COG5: variants seen among roughly 807,000 people sequenced by gnomAD.
COG5 encodes the protein conserved oligomeric Golgi complex subunit 5.
COG5 carries 86 observed loss-of-function variants against 110.4 expected under a neutral mutation model. That is an observed-to-expected ratio of 0.78 (90% CI 0.65 to 0.93). The LOEUF (loss-of-function observed/expected upper bound fraction) is 0.93, where lower values mean the gene tolerates loss of function less well. Among genes scored for constraint, COG5 ranks in the 40% least tolerant of loss-of-function variants. COG5 has a pLI of 0.00. For synonymous variants in COG5, 360 were observed against 334.6 expected (o/e 1.08, Z -0.83); for missense variants, 1,077 against 987.0 (o/e 1.09, Z -1.22).
chr7:107,357,426 A>C (rs1402005921), intron 10 of COG5, among the ~76,000 whole-genome samples: 1 of 152,188 alleles, frequency 6.6e-6, no homozygotes, highest in Non-Finnish European at 1.5e-5. Flanking sequence ...CCCTTAAAAA[A>C]ATTTCAACTA....
chr7:107,302,153 T>C (rs1441220705), intron 11 of COG5, among the ~76,000 whole-genome samples: 1 of 152,188 alleles, frequency 6.6e-6, no homozygotes, highest in Non-Finnish European at 1.5e-5. Flanking sequence ...AACAGGCCAA[T>C]GCATAAACAA....
chr7:107,203,650 C>T lies in COG5; in HGVS notation c.2376-20G>A. On this transcript the variant is annotated intron_variant, in intron 21 of 21. Coordinates refer to ENST00000297135, the MANE Select transcript of COG5 (RefSeq NM_006348.5). ...GCTCCCCTGAAAACCAAAATGAAAACAATGTCAAAATATTAGATAAATCAC... is the reference window on the plus strand; with the variant it reads ...GCTCCCCTGAAAACCAAAATGAAAATAATGTCAAAATATTAGATAAATCAC... 6.9e-7 allele frequency: 1 copy of T among 1,458,432 alleles called. No homozygotes were observed. 90.3% of individuals were successfully genotyped at this position (1,458,432 alleles called of 1,614,324 possible). A position where few individuals can be genotyped will look rare whatever the true frequency, so the allele number is the denominator to read the frequency against.
At position 107,501,063 on chromosome 7, in the gene COG5, G is replaced by C. The variant is rs538481174; in HGVS notation, c.538+26174C>G. On this transcript the variant is annotated intron_variant, in intron 6 of 21. Transcript: ENST00000297135. ...TAAATTATCTTGGCAATGAAAAGTAGAACAACCCACCTAATTTTCCTGTAC... is the reference window on the plus strand; with the variant it reads ...TAAATTATCTTGGCAATGAAAAGTACAACAACCCACCTAATTTTCCTGTAC... 3.0e-4 allele frequency among the ~76,000 whole-genome samples: 46 copies of C among 152,080 alleles called. 1 individual carries two copies. The South Asian group carries it at 9.3e-3, about 31-fold the overall frequency.
intron 6 of COG5, 45 bp from the exon 7 acceptor site, chr7:107,412,677 A>G (rs1435011487): frequency 8.4e-7 from 1 of 1,195,020 alleles, no homozygotes; most frequent in Middle Eastern, 1.9e-4. Flanking sequence ...TCAATACTGA[A>G]TAAATATCAA....
At chr7:107,306,068 A>G (rs1807689385) in intron 11 of COG5, among the ~76,000 whole-genome samples, 1 of 152,170 alleles carries the variant, frequency 6.6e-6, no homozygotes, top group Non-Finnish European at 1.5e-5. Context: ...TATAAAAGTC[A>G]AATACTAAGG....
intron 2 of COG5, 66 bp from the exon 3 acceptor site, chr7:107,554,408 A>G: frequency 7.5e-7 from 1 of 1,331,808 alleles, no homozygotes; most frequent in Admixed American, 1.7e-5. Flanking sequence ...ACCACAATGT[A>G]GAATGGACAG....
At position 107,362,107 on chromosome 7, in the gene COG5, G is replaced by T; in HGVS notation, c.952C>A (p.Gln318Lys). ...DHIYAVCGQV[Q>K]HLQKVLAKKR... ...TTGGCCAATACTTTTTGTAGATGTT[G>T]TACCTTAAATGAAACAAATGTAAAG... Residue 318 changes from glutamine to lysine, a missense_variant, in exon 10 of 22, where the codon CAA (glutamine) becomes AAA (lysine). Transcript: ENST00000297135. The T allele has an allele frequency of 6.2e-7, 1 of 1,603,988 alleles. No individual in the cohort carries two copies. Among genetic ancestry groups the T allele is most frequent in the Non-Finnish European group, 8.5e-7 (1 of 1,172,350 alleles).
intron 12 of COG5, among the ~76,000 whole-genome samples, chr7:107,293,221 A>G (rs1806320037): frequency 6.6e-6 from 1 of 152,072 alleles, no homozygotes; most frequent in Admixed American, 6.5e-5. Context: ...ATACTCAAGG[A>G]CCCATTCATT....
At chr7:107,271,289 A>G (rs1804248973) in intron 14 of COG5, among the ~76,000 whole-genome samples, 1 of 152,198 alleles carries the variant, frequency 6.6e-6, no homozygotes, top group South Asian at 2.1e-4. Flanking sequence ...CTGCATTTCC[A>G]TAAAAATTTA....
At chr7:107,528,731 CCT>C (rs1431888150) in intron 5 of COG5, among the ~76,000 whole-genome samples, 6 of 152,030 alleles carry the variant, frequency 3.9e-5, no homozygotes, top group Non-Finnish European at 8.8e-5. Context: ...GGACATCTCC[CCT>C]GTTTAAGGAG....
rs192204911 is a variant in COG5 at position 107,209,230 on chromosome 7, T to C, written c.2375+1296A>G. ...GAGTTGAGAATGACTTCAAGAGCTA[T>C]TTTAGAGACGCAACAGAGTGGGTTT... On this transcript the variant is annotated intron_variant, in intron 21 of 21. Coordinates refer to ENST00000297135, the MANE Select transcript of COG5 (RefSeq NM_006348.5). 1.0e-5 allele frequency: 10 copies of C among 985,342 alleles called. No homozygotes were observed. In the East Asian group the frequency reaches 1.1e-3, roughly 112 times the overall value. The allele number at this position is 985,342 out of a possible 1,614,324, so 61.0% of individuals were successfully genotyped here. A position where few individuals can be genotyped will look rare whatever the true frequency, so the allele number is the denominator to read the frequency against.
chr7:107,509,037 G>A (rs887974822), intron 6 of COG5, among the ~76,000 whole-genome samples: 4 of 152,206 alleles, frequency 2.6e-5, no homozygotes, highest in Non-Finnish European at 4.4e-5. Flanking sequence ...ATGGAACAAA[G>A]CTGGAAGGAG....
rs533316589 is a variant in COG5, at chr7:107,529,695, C to T, written c.418-2338G>A. ...AAACACTGCACCTGACCTCAGTGCC[C>T]ACGTGGGACTCTTCCAAGCGTACTT... On this transcript the variant is annotated intron_variant, in intron 5 of 21. Transcript: ENST00000297135. Among the ~76,000 whole-genome samples the T allele has an allele frequency of 1.6e-3, 251 of 152,292 alleles. 2 individuals carry two copies. The highest frequency in any genetic ancestry group is 2.9e-3 in the Admixed American group (45 of 15,300).
intron 6 of COG5, among the ~76,000 whole-genome samples, chr7:107,462,962 T>C (rs929504007): frequency 1.3e-5 from 2 of 152,110 alleles, no homozygotes; most frequent in African/African-American, 4.8e-5. Flanking sequence ...CCAGTAAAAA[T>C]ATAAAAAGGT....
chr7:107,525,716 C>T (rs1228024709), intron 6 of COG5, among the ~76,000 whole-genome samples: 2 of 152,002 alleles, frequency 1.3e-5, no homozygotes, highest in African/African-American at 4.8e-5. Flanking sequence ...TGATGCTCAA[C>T]TTTTATTTTG....
chr7:107,223,870 G>A (rs1800127718), intron 19 of COG5, among the ~76,000 whole-genome samples: 1 of 152,080 alleles, frequency 6.6e-6, no homozygotes, highest in South Asian at 2.1e-4. Context: ...AGTGCTGTGA[G>A]GGCTAAATGA....
chr7:107,305,742 G>A lies in COG5; in HGVS notation c.1109-7396C>T, dbSNP rs572014323. Among the ~76,000 whole-genome samples, 4 of 152,030 alleles carry A rather than the reference G, an allele frequency of 2.6e-5. No individual in the cohort carries two copies. In the South Asian group the frequency reaches 8.3e-4, roughly 32 times the overall value. ...AGCTGAGAGCCTCAGTTTCTAGCTT[G>A]CTGTTAGCTGGAAGCTGACCTTGGC... On this transcript the variant is annotated intron_variant, in intron 11 of 21. Coordinates refer to ENST00000297135, the MANE Select transcript of COG5 (RefSeq NM_006348.5).
intron 7 of COG5, among the ~76,000 whole-genome samples, chr7:107,409,934 C>T (rs563601409): frequency 3.9e-5 from 6 of 152,154 alleles, no homozygotes; most frequent in East Asian, 1.9e-4. Context: ...GGGAACTGGA[C>T]GTAATAAAAA....
At position 107,270,882 on chromosome 7, in the gene COG5, C is replaced by CTTTTTTTTTTTTTT. The variant is rs56971368; in HGVS notation, c.1575+10404_1575+10417dup. Among the ~76,000 whole-genome samples, 23 of 68,748 alleles carry CTTTTTTTTTTTTTT rather than the reference C, an allele frequency of 3.3e-4. 3 individuals are homozygous for CTTTTTTTTTTTTTT. The highest frequency in any genetic ancestry group is 5.7e-4 in the Admixed American group (3 of 5,258). The allele number at this position is 68,748 out of a possible 152,430, so 45.1% of individuals were successfully genotyped here. ...TTATACTTCATTATCCTAACTAGAA[C>CTTTTTTTTTTTTTT]TTTTTTTTTTTTTTTTTTTTTTTTT... On this transcript the variant is annotated intron_variant, in intron 14 of 21. Transcript: ENST00000297135.
Sources: allele counts gnomAD v4.1 joint callset (sites outside exome capture counted in the v4.1 genomes callset), GRCh38; gene constraint gnomAD v4.1.1; transcripts MANE v1.5; gene names NCBI Gene and HGNC (gene_info 2026-07-23, HGNC 2026-07-21).